The following CSMD2 variants were observed in gnomAD, a reference collection of about 807,000 sequenced individuals.
The protein encoded by CSMD2 is CUB and Sushi multiple domains 2, also known as CUB and sushi domain-containing protein 2.
Under a neutral mutation model 398.5 loss-of-function variants are expected in CSMD2, and 130 were observed. The observed-to-expected ratio is 0.33, with a 90% CI of 0.28 to 0.38. The LOEUF is 0.38. CSMD2 is among the 10% of genes least tolerant of loss of function. The pLI is 1.00. For missense variants in CSMD2, 3,829 were observed against 4,764.9 expected, an observed-to-expected ratio of 0.80 and a Z score of 5.78; for synonymous variants, 1,828 against 1,908.5, an observed-to-expected ratio of 0.96 and a Z score of 1.10.
chr1:33,706,823 CGTGT>C lies in CSMD2; in HGVS notation c.3576+2262_3576+2265del, dbSNP rs200974784. On this transcript the variant is annotated intron_variant, in intron 22 of 70. Coordinates refer to ENST00000373381, the MANE Select transcript of CSMD2 (RefSeq NM_001281956.2). ...GTGCGCGTGCATGTGTTTGTGCGTG[CGTGT>C]GTATGTGTGTGTGCGTGTGTGCATT... Among the ~76,000 whole-genome samples the C allele has an allele frequency of 4.5e-3, 672 of 150,790 alleles. 4 individuals are homozygous for C. Among genetic ancestry groups the C allele is most frequent in the African/African-American group, 0.015 (597 of 41,040 alleles).
chr1:34,115,967 A>G (rs1192645882), intron 1 of CSMD2, among the ~76,000 whole-genome samples: 1 of 152,052 alleles, frequency 6.6e-6, no homozygotes, highest in Non-Finnish European at 1.5e-5. Flanking sequence ...ACCAAAGAAT[A>G]TAAGAAATCA....
At chr1:34,090,368 T>C (rs146989419) in intron 1 of CSMD2, among the ~76,000 whole-genome samples, 149 of 152,294 alleles carry the variant, frequency 9.8e-4, no homozygotes, top group African/African-American at 3.5e-3. Flanking sequence ...CTCTGCCTCC[T>C]TTCAGTCTCC....
chr1:34,152,522 C>T (rs1359235966), intron 1 of CSMD2, among the ~76,000 whole-genome samples: 5 of 152,246 alleles, frequency 3.3e-5, no homozygotes, highest in African/African-American at 1.2e-4. Context: ...TCTTCCAGAC[C>T]TGGAACAACC....
chr1:33,657,963 C>G lies in CSMD2; in HGVS notation c.4430G>C (p.Ser1477Thr). The change falls in exon 27 of 71, where the codon AGC becomes ACC. Residue 1477 changes from serine to threonine, a missense_variant. Physicochemically the swap from Ser to Thr is moderately conservative, Grantham distance 58. Around this residue, in one of 5 missense-constraint regions of CSMD2, gnomAD observed 2,001 missense variants for 2,567.1 expected, o/e 0.78. Coordinates refer to ENST00000373381, the MANE Select transcript of CSMD2 (RefSeq NM_001281956.2). ...KIENRFFWQP[S>T]PPTCIAPCGG... is the part of the protein sequence containing the mutation. ...CTTTGTACCGATGCATGTTGGCGGG[C>G]TGGGCTGCCAGAAGAACCTGTTCTC... The G allele has an allele frequency of 1.2e-6, 2 of 1,613,738 alleles. No homozygotes were observed. The highest frequency in any genetic ancestry group is 1.7e-6 in the Non-Finnish European group (2 of 1,179,724).
At chr1:33,555,644 A>G (rs1310517163) in intron 55 of CSMD2, among the ~76,000 whole-genome samples, 2 of 152,172 alleles carry the variant, frequency 1.3e-5, no homozygotes, top group East Asian at 3.8e-4. Flanking sequence ...CACCACCCCG[A>G]TCAGTTTGCA....
intron 26 of CSMD2, among the ~76,000 whole-genome samples, chr1:33,661,669 G>A (rs1340700418): frequency 6.6e-6 from 1 of 152,138 alleles, no homozygotes; most frequent in Non-Finnish European, 1.5e-5. Context: ...GTGTTAAATG[G>A]ACAAATTTAT....
At chr1:33,595,345 T>C (rs1198799319) in intron 44 of CSMD2, among the ~76,000 whole-genome samples, 1 of 152,236 alleles carries the variant, frequency 6.6e-6, no homozygotes, top group East Asian at 1.9e-4. Flanking sequence ...TGGATAATCA[T>C]GGAAGTGATG....
intron 9 of CSMD2, among the ~76,000 whole-genome samples, chr1:33,813,399 G>C (rs1657077543): frequency 6.6e-6 from 1 of 152,158 alleles, no homozygotes; most frequent in South Asian, 2.1e-4. Flanking sequence ...CAGCTCCATG[G>C]GATCCCATCA....
At chr1:33,700,743 C>G (rs1645585848) in intron 22 of CSMD2, 70 bp from the exon 23 acceptor site, 11 of 1,481,816 alleles carry the variant, frequency 7.4e-6, no homozygotes, top group Non-Finnish European at 1.0e-5. Flanking sequence ...CCTCCTTACC[C>G]CACAACCCAC....
intron 3 of CSMD2, among the ~76,000 whole-genome samples, chr1:34,008,820 C>T (rs1272494785): frequency 6.6e-6 from 1 of 152,150 alleles, no homozygotes; most frequent in Non-Finnish European, 1.5e-5. Flanking sequence ...TGACTATATT[C>T]CCAGTGCCTC....
rs186445470 is a variant in CSMD2 at position 33,595,478 on chromosome 1, G to A, written c.6856+5387C>T. 3.0e-3 allele frequency among the ~76,000 whole-genome samples: 458 copies of A among 152,242 alleles called. 1 individual carries two copies. The highest frequency in any genetic ancestry group is 0.027 in the Middle Eastern group (8 of 294). On this transcript the variant is annotated intron_variant, in intron 44 of 70. Transcript: ENST00000373381. ...TTTCCCTTTGTTATTATTGTGTGTG[G>A]AGTGGGGTGGGGGAAGGGGTAGTTT...
At chr1:34,057,750 T>G (rs1171298633) in intron 2 of CSMD2, among the ~76,000 whole-genome samples, 1 of 152,128 alleles carries the variant, frequency 6.6e-6, no homozygotes, top group Non-Finnish European at 1.5e-5. Flanking sequence ...AGACTCTGCC[T>G]ACTGTAGATT....
At chr1:33,779,856 T>C (rs1174943550) in intron 12 of CSMD2, among the ~76,000 whole-genome samples, 1 of 152,164 alleles carries the variant, frequency 6.6e-6, no homozygotes, top group Non-Finnish European at 1.5e-5. Flanking sequence ...CCAGCTTTTC[T>C]AGTGAAGTGC....
At chr1:34,057,846 G>A (rs1217389213) in intron 2 of CSMD2, among the ~76,000 whole-genome samples, 6 of 152,118 alleles carry the variant, frequency 3.9e-5, no homozygotes, top group African/African-American at 1.2e-4. Context: ...AAATAATCAG[G>A]GCAATTTGCA....
rs114649608 is a variant in CSMD2, at chr1:33,556,436, A to C, written c.8743+1298T>G. 3.8e-3 allele frequency among the ~76,000 whole-genome samples: 576 copies of C among 152,310 alleles called. 4 individuals carry two copies. The highest frequency in any genetic ancestry group is 0.029 in the South Asian group (140 of 4,824). Reference sequence around the variant, plus strand: ...ACTGGAGGGCCTACAAAATGTATATAATCTGCCAAAGGTAGGTGGACTGCT... The same window carrying C: ...ACTGGAGGGCCTACAAAATGTATATCATCTGCCAAAGGTAGGTGGACTGCT... On this transcript the variant is annotated intron_variant, in intron 55 of 70. Coordinates refer to ENST00000373381, the MANE Select transcript of CSMD2 (RefSeq NM_001281956.2).
chr1:33,957,367 G>A (rs192450250), intron 3 of CSMD2, among the ~76,000 whole-genome samples: 16 of 152,250 alleles, frequency 1.1e-4, no homozygotes, highest in East Asian at 9.6e-4. Flanking sequence ...CTGGCAAGAC[G>A]TTGTACTAGA....
Position 33,540,527 on chromosome 1 carries a change from A to G in CSMD2, c.9629T>C (p.Phe3210Ser). Residue 3210 changes from phenylalanine to serine, a missense_variant and splice_region_variant, in exon 60 of 71, where the codon TTC becomes TCC. By Grantham distance (155) the Phe-to-Ser change is radical. Transcript: ENST00000373381. ...AAAGGCCCTTGTAAGCAACTTACGG[A>G]AACACTGAGGCAGCTCTCCGGTCCA... ...GSWTGELPQC[F>S]PVFCGDPGVP... 1.2e-6 allele frequency: 2 copies of G among 1,614,124 alleles called. No homozygotes were observed. The highest frequency in any genetic ancestry group is 1.7e-6 in the Non-Finnish European group (2 of 1,179,996).
In CSMD2 at chr1:33,948,735, A is replaced by G. The variant is rs372462321; in HGVS notation, c.518-12781T>C. 2.6e-5 allele frequency among the ~76,000 whole-genome samples: 4 copies of G among 152,190 alleles called. No homozygotes were observed. The East Asian group carries it at 5.8e-4, about 22-fold the overall frequency. On this transcript the variant is annotated intron_variant, in intron 3 of 70. Transcript: ENST00000373381. ...CTCAGAAGCCAGTGTTATATCACAC[A>G]CTCATGGGGCCTGCCTGACACTTGT...
At chr1:33,889,936 AAG>A (rs1305895095) in intron 5 of CSMD2, among the ~76,000 whole-genome samples, 3 of 152,106 alleles carry the variant, frequency 2.0e-5, no homozygotes, top group Admixed American at 6.6e-5. Context: ...ATTTTTCACA[AAG>A]AGTATAAATT....
Sources: allele counts gnomAD v4.1 joint callset (sites outside exome capture counted in the v4.1 genomes callset), GRCh38; gene constraint gnomAD v4.1.1; regional missense constraint gnomAD v4.1.1; transcripts MANE v1.5; gene names NCBI Gene and HGNC (gene_info 2026-07-23, HGNC 2026-07-21).